TTC17: variants seen among roughly 807,000 people sequenced by gnomAD.
TTC17 encodes tetratricopeptide repeat domain 17, also known as tetratricopeptide repeat protein 17.
In TTC17, 58 loss-of-function variants were observed where a neutral mutation model predicts 143.8. That is an observed-to-expected ratio of 0.40 (90% CI 0.33 to 0.50). The LOEUF (loss-of-function observed/expected upper bound fraction) is 0.50, where lower values mean the gene tolerates loss of function less well. Ranked by LOEUF, TTC17 falls within the 20% of genes least tolerant of loss-of-function variation. The pLI is 0.49. For synonymous variants in TTC17, 501 were observed against 497.8 expected (o/e 1.01, Z -0.09); for missense variants, 1,273 against 1,392.5 (o/e 0.91, Z 1.37).
intron 10 of TTC17, among the ~76,000 whole-genome samples, chr11:43,402,721 C>G (rs1310975230): frequency 6.6e-6 from 1 of 152,100 alleles, no homozygotes; most frequent in Non-Finnish European, 1.5e-5. Context: ...CCAAAAAAAT[C>G]TCAAATCTGA....
intron 16 of TTC17, among the ~76,000 whole-genome samples, chr11:43,432,418 C>T (rs1947179218): frequency 6.6e-6 from 1 of 152,198 alleles, no homozygotes; most frequent in South Asian, 2.1e-4. Context: ...GTCTTGTAGT[C>T]TCTTACTTCT....
At chr11:43,431,931 C>G (rs1947169066) in intron 16 of TTC17, among the ~76,000 whole-genome samples, 1 of 152,218 alleles carries the variant, frequency 6.6e-6, no homozygotes, top group Non-Finnish European at 1.5e-5. Context: ...TGCTCTAATG[C>G]TCTTACAAAG....
intron 16 of TTC17, among the ~76,000 whole-genome samples, chr11:43,427,151 C>T (rs1947048167): frequency 6.6e-6 from 1 of 152,192 alleles, no homozygotes; most frequent in African/African-American, 2.4e-5. Flanking sequence ...AAATATCATA[C>T]TTACTACGTA....
intron 21 of TTC17, among the ~76,000 whole-genome samples, chr11:43,458,122 A>T (rs1947797770): frequency 6.6e-6 from 1 of 152,190 alleles, no homozygotes. Context: ...ATTTGTTTGT[A>T]ATTCTGCTGT....
chr11:43,371,546 A>G (rs950909736), intron 1 of TTC17, among the ~76,000 whole-genome samples: 6 of 152,150 alleles, frequency 3.9e-5, no homozygotes, highest in East Asian at 1.9e-4. Flanking sequence ...GAACTTCCAC[A>G]TGTTTGGCTC....
At chr11:43,465,004 G>T (rs1018173475) in intron 21 of TTC17, among the ~76,000 whole-genome samples, 1 of 152,228 alleles carries the variant, frequency 6.6e-6, no homozygotes, top group African/African-American at 2.4e-5. Flanking sequence ...TAGAGTTCAA[G>T]ACCCAGCAGT....
chr11:43,479,138 G>C (rs1044302740), intron 21 of TTC17, among the ~76,000 whole-genome samples: 2 of 152,102 alleles, frequency 1.3e-5, no homozygotes, highest in Non-Finnish European at 2.9e-5. Flanking sequence ...TACTCTGGAG[G>C]CTGAGGCAGG....
At chr11:43,486,965 CTT>C (rs1398897527) in intron 21 of TTC17, among the ~76,000 whole-genome samples, 2 of 152,222 alleles carry the variant, frequency 1.3e-5, no homozygotes, top group South Asian at 2.1e-4. Context: ...AGGAGGATCA[CTT>C]GAGCCCAGGA....
chr11:43,492,065 C>G lies in TTC17; in HGVS notation c.3196C>G (p.Leu1066Val). 10 of 1,614,124 alleles carry G rather than the reference C, an allele frequency of 6.2e-6. No individual in the cohort carries two copies. The highest frequency in any genetic ancestry group is 7.6e-6 in the Non-Finnish European group (9 of 1,180,002). ...GGCCAACATCTTGCACAATGCCAAG[C>G]TCTGGAATGACGCCGTCATAGTAGC... ...SLANILHNAK[L>V]WNDAVIVATM... is the part of the protein sequence containing the mutation. Residue 1066 changes from leucine (L) to valine (V), a missense_variant, in exon 23 of 24, where the codon CTC becomes GTC. Around this residue, in one of 3 missense-constraint regions of TTC17, gnomAD observed 878 missense variants for 899.8 expected, o/e 0.98. Transcript: ENST00000039989.
intron 10 of TTC17, 80 bp from the exon 11 acceptor site, chr11:43,403,918 C>T: frequency 7.8e-7 from 1 of 1,277,824 alleles, no homozygotes; most frequent in Non-Finnish European, 1.1e-6. Context: ...TATTCACTCG[C>T]TTTTTTGGTG....
chr11:43,443,612 A>C, intron 17 of TTC17, 28 bp downstream of exon 17: 2 of 1,588,246 alleles, frequency 1.3e-6, no homozygotes, highest in Non-Finnish European at 1.7e-6. Flanking sequence ...ATTCTCACAA[A>C]ATTGTAGCCC....
intron 7 of TTC17, 112 bp from the exon 8 acceptor site, chr11:43,397,862 G>A (rs952804372): frequency 1.9e-5 from 27 of 1,424,166 alleles, no homozygotes; most frequent in Non-Finnish European, 2.4e-5. Context: ...TAGAGGATTT[G>A]GACAGATGCA....
rs1179962408 is a variant in TTC17 at position 43,450,098 on chromosome 11, G to A, written c.2803G>A (p.Asp935Asn). 1.2e-6 allele frequency: 2 copies of A among 1,613,924 alleles called. No homozygotes were observed. Among genetic ancestry groups the A allele is most frequent in the Admixed American group, 3.3e-5 (2 of 59,984 alleles). ...SKNIDITEHI[D>N]FATPIQQPAM... The stretch of plus-strand genomic sequence containing the variant: ...ATTTTTCAGCATCACAGAACACATA[G>A]ATTTTGCCACCCCTATACAGCAGCC... Residue 935 changes from aspartate (D) to asparagine (N), a missense_variant, in exon 20 of 24, where the codon GAT (aspartate) becomes AAT (asparagine). Physicochemically the swap from Asp to Asn is conservative, Grantham distance 23 (BLOSUM62 1). This residue lies in a region of TTC17 where 878 missense variants were observed against 899.8 expected (regional missense o/e 0.98). Coordinates refer to ENST00000039989, the MANE Select transcript of TTC17 (RefSeq NM_018259.6).
chr11:43,441,408 T>G (rs940115364), intron 16 of TTC17, among the ~76,000 whole-genome samples: 1 of 151,638 alleles, frequency 6.6e-6, no homozygotes, highest in Non-Finnish European at 1.5e-5. Context: ...TTTTTCCCTC[T>G]AAAAAAAAAT....
chr11:43,469,871 C>CT (rs1948059945), intron 21 of TTC17, among the ~76,000 whole-genome samples: 1 of 152,072 alleles, frequency 6.6e-6, no homozygotes, highest in Non-Finnish European at 1.5e-5. Flanking sequence ...CCACTAAAAG[C>CT]TGGAAGATGC....
intron 21 of TTC17, among the ~76,000 whole-genome samples, chr11:43,461,247 A>G (rs151318796): frequency 9.9e-4 from 151 of 151,964 alleles, no homozygotes; most frequent in African/African-American, 3.3e-3. Flanking sequence ...AGCCGGGCGC[A>G]GTGGCGGGCG....
chr11:43,466,644 TTTA>T (rs1293796996), intron 21 of TTC17: 1 of 342,412 alleles, frequency 2.9e-6, no homozygotes, highest in African/African-American at 2.2e-5. Flanking sequence ...TGATAAGAAC[TTTA>T]TTGTGAAGCA....
At chr11:43,384,033 T>TA (rs1857075853) in intron 2 of TTC17, among the ~76,000 whole-genome samples, 1 of 151,840 alleles carries the variant, frequency 6.6e-6, no homozygotes, top group Non-Finnish European at 1.5e-5. Context: ...TAGTTCTAGC[T>TA]ACTGGGGAGG....
chr11:43,463,563 T>C (rs2134800348), intron 21 of TTC17, among the ~76,000 whole-genome samples: 1 of 152,240 alleles, frequency 6.6e-6, no homozygotes, highest in Admixed American at 6.5e-5. Flanking sequence ...AAAACTAGGC[T>C]TGAACAAATG....
Sources: gnomAD v4.1 joint callset for allele counts (sites outside exome capture counted in the v4.1 genomes callset) on GRCh38, gnomAD v4.1.1 for gene constraint, gnomAD v4.1.1 regional missense constraint, MANE v1.5 for transcripts, NCBI Gene and HGNC (gene_info 2026-07-23, HGNC 2026-07-21) for gene names.